The following FGF13 variants were observed in gnomAD, a reference collection of about 807,000 sequenced individuals.
FGF13 encodes fibroblast growth factor homologous factor 2.
A neutral mutation model predicts 19.5 loss-of-function variants in FGF13; 2 were observed. That is an observed-to-expected ratio of 0.10 (90% CI 0.04 to 0.32). FGF13 has a LOEUF of 0.32. Ranked by LOEUF, FGF13 falls within the 10% of genes least tolerant of loss-of-function variation. FGF13 has a pLI of 1.00. For missense variants in FGF13, 113 were observed against 192.7 expected (o/e 0.59, Z 2.45); for synonymous variants, 72 against 76.9 (o/e 0.94, Z 0.33).
At chrX:139,035,572 G>T (rs749677153) in intron 1 of FGF13, among the ~76,000 whole-genome samples, 3 of 111,543 alleles carry the variant, frequency 2.7e-5, no homozygotes, top group Non-Finnish European at 5.7e-5. Context: ...AGGTCTGAGA[G>T]AACTTCTTTC....
chrX:138,735,538 T>C (rs2090267865), intron 1 of FGF13, among the ~76,000 whole-genome samples: 1 of 112,263 alleles, frequency 8.9e-6, no homozygotes. Flanking sequence ...TAAGTGGCCA[T>C]GCCAGTTATT....
intron 3 of FGF13, among the ~76,000 whole-genome samples, chrX:138,683,415 TCACACACA>T (rs376513383): frequency 9.7e-6 from 1 of 103,406 alleles, no homozygotes; most frequent in Non-Finnish European, 2.0e-5. Context: ...TCTCTCTCTC[TCACACACA>T]CACACACACA....
chrX:138,696,644 C>T (rs1219643440), intron 3 of FGF13, among the ~76,000 whole-genome samples: 2 of 112,125 alleles, frequency 1.8e-5, no homozygotes, highest in African/African-American at 3.2e-5. Flanking sequence ...AAAAAGGTCA[C>T]AGAACTTGAG....
chrX:138,850,426 A>G (rs764316595), intron 3 of FGF13, among the ~76,000 whole-genome samples: 7 of 112,056 alleles, frequency 6.2e-5, no homozygotes, highest in Non-Finnish European at 9.4e-5. Flanking sequence ...CATAAGCTGT[A>G]AGAGAAATAG....
chrX:138,864,562 C>G (rs377225357), intron 2 of FGF13: 1 of 111,728 alleles, frequency 9.0e-6, no homozygotes, highest in East Asian at 2.8e-4. Context: ...GTTGGGGGAC[C>G]CTCTTTCACC....
At chrX:139,191,982 G>A (rs1439093475) in intron 1 of FGF13, among the ~76,000 whole-genome samples, 15 of 111,707 alleles carry the variant, frequency 1.3e-4, no homozygotes, top group African/African-American at 3.6e-4. Flanking sequence ...CCCTCTCTGC[G>A]AGAGCCGAGG....
intron 1 of FGF13, among the ~76,000 whole-genome samples, chrX:139,030,477 C>G (rs940544344): frequency 9.0e-6 from 1 of 111,701 alleles, no homozygotes; most frequent in Admixed American, 9.5e-5. Flanking sequence ...GTAAAAACCA[C>G]CCAGAACTAG....
At chrX:138,948,322 A>C (rs1195799626) in intron 1 of FGF13, among the ~76,000 whole-genome samples, 1 of 111,862 alleles carries the variant, frequency 8.9e-6, no homozygotes, top group African/African-American at 3.2e-5. Context: ...CTTTTTTAAA[A>C]AGATTGGTGG....
At chrX:138,751,655 A>T (rs1280693203) in intron 3 of FGF13, among the ~76,000 whole-genome samples, 1 of 111,627 alleles carries the variant, frequency 9.0e-6, no homozygotes, top group African/African-American at 3.3e-5. Context: ...AATTATGTTC[A>T]CAGGCTGGAA....
intron 1 of FGF13, among the ~76,000 whole-genome samples, chrX:139,052,236 G>C (rs970642090): frequency 1.8e-5 from 2 of 111,608 alleles, no homozygotes; most frequent in East Asian, 2.8e-4. Flanking sequence ...CAAAAAGTTA[G>C]TGGAAAAAAT....
At chrX:138,857,305 G>A (rs1033336137), downstream of FGF13, among the ~76,000 whole-genome samples, 2 of 111,289 alleles carry the variant, frequency 1.8e-5, no homozygotes, top group Admixed American at 1.9e-4. Context: ...GCAGGGTGAC[G>A]CTGTGCGCTG....
intron 1 of FGF13, among the ~76,000 whole-genome samples, chrX:139,105,478 G>C (rs968620548): frequency 9.0e-6 from 1 of 111,481 alleles, no homozygotes; most frequent in East Asian, 2.8e-4. Context: ...TCATGCTCAC[G>C]AACTCCTATC....
chrX:139,190,353 A>G (rs1280633284), intron 1 of FGF13, among the ~76,000 whole-genome samples: 1 of 110,658 alleles, frequency 9.0e-6, no homozygotes, highest in Non-Finnish European at 1.9e-5. Flanking sequence ...GCTCTAAACC[A>G]TAATAATTGG....
chrX:139,197,078 T>G (rs2084377979), intron 1 of FGF13, among the ~76,000 whole-genome samples: 1 of 112,263 alleles, frequency 8.9e-6, no homozygotes, highest in Admixed American at 9.4e-5. Flanking sequence ...TCTTTCTCTA[T>G]CACAGTGCCT....
intron 3 of FGF13, among the ~76,000 whole-genome samples, chrX:138,642,976 C>T (rs1183622973): frequency 1.8e-5 from 2 of 112,465 alleles, no homozygotes; most frequent in South Asian, 3.6e-4. Context: ...TATGGTTACA[C>T]TGAATTCTTT....
intron 3 of FGF13, among the ~76,000 whole-genome samples, chrX:138,759,070 G>T (rs951100989): frequency 8.0e-5 from 9 of 112,148 alleles, no homozygotes; most frequent in Admixed American, 1.9e-4. Context: ...AATATTTACT[G>T]CACATAGTCC....
intron 3 of FGF13, among the ~76,000 whole-genome samples, chrX:138,781,199 C>G (rs1463316878): frequency 1.8e-5 from 2 of 110,529 alleles, no homozygotes; most frequent in Non-Finnish European, 3.8e-5. Context: ...CACTAAATGC[C>G]TACAAGAGAA....
At chrX:138,695,413 T>G (rs997413455) in intron 3 of FGF13, among the ~76,000 whole-genome samples, 1 of 111,846 alleles carries the variant, frequency 8.9e-6, no homozygotes, top group African/African-American at 3.2e-5. Flanking sequence ...AATGAACATA[T>G]TTTTTACTTA....
At chrX:138,952,339 A>G (rs1188813505) in intron 1 of FGF13, among the ~76,000 whole-genome samples, 1 of 112,089 alleles carries the variant, frequency 8.9e-6, no homozygotes, top group Non-Finnish European at 1.9e-5. Context: ...ATGATTCCCT[A>G]TTTAATAAAT....
Sources: allele counts gnomAD v4.1 joint callset (sites outside exome capture counted in the v4.1 genomes callset), GRCh38; gene constraint gnomAD v4.1.1; transcripts MANE v1.5; gene names NCBI Gene and HGNC (gene_info 2026-07-23, HGNC 2026-07-21).